AGBL4: variants seen among roughly 807,000 people sequenced by gnomAD.
The protein encoded by AGBL4 is cytosolic carboxypeptidase 6.
A neutral mutation model predicts 66.4 loss-of-function variants in AGBL4; 58 were observed. The ratio of observed to expected loss-of-function variants is 0.87; its 90% CI spans 0.71 to 1.09. AGBL4 has a LOEUF of 1.09. Ranked by LOEUF, AGBL4 falls within the 50% of genes least tolerant of loss-of-function variation. AGBL4 has a pLI of 0.00. For synonymous variants in AGBL4, 234 were observed against 222.9 expected (o/e 1.05, Z -0.44); for missense variants, 579 against 631.0 (o/e 0.92, Z 0.88).
At chr1:49,758,993 G>C (rs181025189) in intron 2 of AGBL4, among the ~76,000 whole-genome samples, 2 of 152,122 alleles carry the variant, frequency 1.3e-5, no homozygotes. Context: ...ATTGGATCAT[G>C]GGGGCAGTTT....
intron 1 of AGBL4, among the ~76,000 whole-genome samples, chr1:49,985,523 G>A (rs957068751): frequency 6.6e-6 from 1 of 152,128 alleles, no homozygotes; most frequent in Non-Finnish European, 1.5e-5. Context: ...TTATAAGGCA[G>A]TAGCCAGAGG....
intron 6 of AGBL4, chr1:48,759,477 G>A: frequency 1.8e-6 from 2 of 1,123,050 alleles, no homozygotes; most frequent in Non-Finnish European, 1.2e-6. Context: ...TTATAAATGG[G>A]GTTCCGAGTG....
intron 3 of AGBL4, among the ~76,000 whole-genome samples, chr1:49,359,040 G>A (rs1301830843): frequency 1.3e-5 from 2 of 152,238 alleles, no homozygotes; most frequent in African/African-American, 4.8e-5. Flanking sequence ...CAGGCCTGCA[G>A]TGAGCACCAT....
At chr1:49,457,034 T>G (rs1455355267) in intron 3 of AGBL4, among the ~76,000 whole-genome samples, 1 of 151,806 alleles carries the variant, frequency 6.6e-6, no homozygotes, top group East Asian at 1.9e-4. Flanking sequence ...TCTATAAACA[T>G]GCATGTGCAA....
At chr1:48,867,266 G>A (rs757035007) in intron 5 of AGBL4, 36 bp from the exon 6 acceptor site, 18 of 1,609,938 alleles carry the variant, frequency 1.1e-5, no homozygotes, top group Non-Finnish European at 1.2e-5. Context: ...GCACTGATTT[G>A]AGCCAGAGCC....
At chr1:49,300,186 C>T (rs576435482) in intron 3 of AGBL4, among the ~76,000 whole-genome samples, 7 of 152,142 alleles carry the variant, frequency 4.6e-5, no homozygotes, top group Admixed American at 2.0e-4. Flanking sequence ...AATAAAATTT[C>T]GGAGTAACAT....
chr1:49,038,623 G>A (rs1240706525), intron 5 of AGBL4, among the ~76,000 whole-genome samples: 3 of 151,956 alleles, frequency 2.0e-5, no homozygotes, highest in Non-Finnish European at 2.9e-5. Flanking sequence ...ATGTCACTTG[G>A]GAAATGCAAA....
intron 2 of AGBL4, chr1:49,845,749 G>A: frequency 6.3e-7 from 1 of 1,586,738 alleles, no homozygotes; most frequent in African/African-American, 1.3e-5. Flanking sequence ...GAAGCCCTAT[G>A]GATGCAACGA....
chr1:49,904,957 TA>T (rs1323627307), intron 1 of AGBL4, among the ~76,000 whole-genome samples: 1 of 152,138 alleles, frequency 6.6e-6, no homozygotes, highest in African/African-American at 2.4e-5. Flanking sequence ...ACAATGCCTA[TA>T]AAAAATTTTC....
chr1:49,865,202 A>G (rs1646671963), intron 1 of AGBL4, among the ~76,000 whole-genome samples: 1 of 152,212 alleles, frequency 6.6e-6, no homozygotes, highest in Admixed American at 6.5e-5. Context: ...GAATCTGGGC[A>G]GCCCAGATGA....
At chr1:49,815,670 A>C (rs895165565) in intron 2 of AGBL4, among the ~76,000 whole-genome samples, 2 of 152,064 alleles carry the variant, frequency 1.3e-5, no homozygotes, top group African/African-American at 4.8e-5. Flanking sequence ...CATTCTCACC[A>C]GCATTTTTTA....
intron 2 of AGBL4, among the ~76,000 whole-genome samples, chr1:49,779,421 T>C (rs954989333): frequency 5.3e-5 from 8 of 152,126 alleles, no homozygotes. Context: ...TGGTAACATG[T>C]AGTACAGGCA....
chr1:49,084,351 A>G (rs1020968280), intron 4 of AGBL4, among the ~76,000 whole-genome samples: 1 of 152,234 alleles, frequency 6.6e-6, no homozygotes, highest in East Asian at 1.9e-4. Flanking sequence ...GACAAGCCTG[A>G]GACTGAGTCA....
intron 2 of AGBL4, among the ~76,000 whole-genome samples, chr1:49,811,151 G>A (rs1475574268): frequency 6.6e-6 from 1 of 152,090 alleles, no homozygotes. Context: ...TAATCATGAG[G>A]TAAAATGATG....
intron 3 of AGBL4, among the ~76,000 whole-genome samples, chr1:49,450,411 A>C (rs1284877608): frequency 6.6e-6 from 1 of 152,118 alleles, no homozygotes; most frequent in Non-Finnish European, 1.5e-5. Flanking sequence ...GAGTTGGAAG[A>C]GCTCAACATA....
chr1:48,894,213 T>C (rs1651282962), intron 5 of AGBL4, among the ~76,000 whole-genome samples: 1 of 152,196 alleles, frequency 6.6e-6, no homozygotes, highest in Non-Finnish European at 1.5e-5. Context: ...CAAAGCACAT[T>C]AAGAAAGACA....
At chr1:48,929,563 T>C (rs548231043) in intron 5 of AGBL4, among the ~76,000 whole-genome samples, 1 of 152,342 alleles carries the variant, frequency 6.6e-6, no homozygotes, top group African/African-American at 2.4e-5. Context: ...CATGGCAACT[T>C]GTATGGCTTA....
chr1:48,988,362 T>C (rs1274755442), intron 5 of AGBL4, among the ~76,000 whole-genome samples: 1 of 152,194 alleles, frequency 6.6e-6, no homozygotes, highest in Non-Finnish European at 1.5e-5. Context: ...ACTTCTATTT[T>C]ATGCTCATTA....
At chr1:48,740,813 G>A (rs973211033) in intron 6 of AGBL4, among the ~76,000 whole-genome samples, 1 of 152,198 alleles carries the variant, frequency 6.6e-6, no homozygotes, top group Non-Finnish European at 1.5e-5. Context: ...CTGGGATGTG[G>A]AGATGCTGTT....
Sources: allele counts gnomAD v4.1 joint callset (sites outside exome capture counted in the v4.1 genomes callset), GRCh38; gene constraint gnomAD v4.1.1; transcripts MANE v1.5; gene names NCBI Gene and HGNC (gene_info 2026-07-23, HGNC 2026-07-21).